The following PRKD3 variants were observed in gnomAD, a reference collection of about 807,000 sequenced individuals.
PRKD3 encodes the protein protein kinase D3.
PRKD3 carries 47 observed loss-of-function variants against 99.2 expected under a neutral mutation model. That is an observed-to-expected ratio of 0.47 (90% CI 0.38 to 0.60). PRKD3 has a LOEUF of 0.60. Among genes scored for constraint, PRKD3 ranks in the 20% least tolerant of loss-of-function variants. The probability of loss-of-function intolerance (pLI) is 0.00; values close to 1 mark genes in which losing one functional copy is unlikely to be tolerated. For missense variants in PRKD3, 1,019 were observed against 1,088.4 expected (o/e 0.94, Z 0.90); for synonymous variants, 392 against 355.4 (o/e 1.10, Z -1.16).
Position 37,282,532 on chromosome 2 carries a change from A to G in PRKD3, c.988+10T>C. Reference sequence around the variant, plus strand: ...TGATCTTTCACAAAAATTAAGAAAAATAATTTTACCTCCATTGAAAGTAAC... The same window carrying G: ...TGATCTTTCACAAAAATTAAGAAAAGTAATTTTACCTCCATTGAAAGTAAC... On this transcript the variant is annotated intron_variant, in intron 7 of 18. Transcript: ENST00000234179. The G allele has an allele frequency of 5.2e-6, 8 of 1,535,366 alleles. No homozygotes were observed. The highest frequency in any genetic ancestry group is 1.1e-5 in the South Asian group (1 of 88,760).
chr2:37,314,040 G>T (rs1241648509), intron 2 of PRKD3, among the ~76,000 whole-genome samples: 3 of 152,090 alleles, frequency 2.0e-5, no homozygotes, highest in African/African-American at 7.2e-5. Context: ...TCAAAGAAAA[G>T]AACTGATAAA....
chr2:37,285,161 A>C (rs1670033477), intron 6 of PRKD3, among the ~76,000 whole-genome samples: 2 of 152,216 alleles, frequency 1.3e-5, no homozygotes, highest in Admixed American at 6.5e-5. Context: ...TAGACTACTT[A>C]TATCCTATCC....
chr2:37,293,937 T>C (rs531645014), intron 2 of PRKD3, among the ~76,000 whole-genome samples: 6 of 152,216 alleles, frequency 3.9e-5, no homozygotes, highest in Non-Finnish European at 5.9e-5. Context: ...CCTGTTTGCT[T>C]TGCCAAATGG....
intron 10 of PRKD3, among the ~76,000 whole-genome samples, chr2:37,275,471 C>CTT (rs1444807413): frequency 6.6e-6 from 1 of 152,136 alleles, no homozygotes; most frequent in African/African-American, 2.4e-5. Flanking sequence ...GATGATGGGA[C>CTT]TTTCTAAGCA....
At chr2:37,309,285 T>A (rs1312247512) in intron 2 of PRKD3, among the ~76,000 whole-genome samples, 1 of 152,238 alleles carries the variant, frequency 6.6e-6, no homozygotes, top group Admixed American at 6.5e-5. Context: ...TTCCTGTACC[T>A]CTTGTGACAT....
rs1382868047 is a variant in PRKD3 at position 37,250,606 on chromosome 2, A to G, written c.*2571T>C. 3 of 152,178 alleles carry G rather than the reference A, an allele frequency of 2.0e-5. No individual in the cohort carries two copies. Among genetic ancestry groups the G allele is most frequent in the African/African-American group, 7.2e-5 (3 of 41,450 alleles). 9.4% of individuals were successfully genotyped at this position (152,178 alleles called of 1,614,324 possible). The stretch of plus-strand genomic sequence containing the variant: ...AGTTCCATTTACAAATACTGTTTCC[A>G]AAATAGTTCTTTTACCAAGGTCTGG... On this transcript the variant is annotated 3_prime_UTR_variant, in exon 19 of 19. Transcript: ENST00000234179.
At chr2:37,312,958 T>C (rs893678842) in intron 2 of PRKD3, among the ~76,000 whole-genome samples, 12 of 152,260 alleles carry the variant, frequency 7.9e-5, no homozygotes, top group African/African-American at 2.9e-4. Flanking sequence ...TGAATAACAA[T>C]AATTGACTGC....
In PRKD3 at chr2:37,253,128, A is replaced by G. The variant is rs370419695; in HGVS notation, c.*49T>C. The G allele has an allele frequency of 7.3e-6, 11 of 1,514,454 alleles. No individual in the cohort carries two copies. In the East Asian group the frequency reaches 1.4e-4, roughly 19 times the overall value. The allele number at this position is 1,514,454 out of a possible 1,614,324, so 93.8% of individuals were successfully genotyped here. A position where few individuals can be genotyped will look rare whatever the true frequency, so the allele number is the denominator to read the frequency against. ...TACAAAGAACAAGTTACACAGCAAA[A>G]TATCAGTCCATAAAATGAAATCCTT... On this transcript the variant is annotated 3_prime_UTR_variant, in exon 19 of 19. Transcript: ENST00000234179.
intron 14 of PRKD3, among the ~76,000 whole-genome samples, chr2:37,264,123 C>T (rs1290575238): frequency 6.6e-6 from 1 of 152,108 alleles, no homozygotes; most frequent in Non-Finnish European, 1.5e-5. Flanking sequence ...AATTTTTTTC[C>T]TGCTCTACAA....
At position 37,252,847 on chromosome 2, in the gene PRKD3, T is replaced by TATATATATATATATATA. The variant is rs1667612720; in HGVS notation, c.*329_*330insTATATATATATATATAT. On this transcript the variant is annotated 3_prime_UTR_variant, in exon 19 of 19. Transcript: ENST00000234179. ...AAAACAAACAAACATATATTTATAT[T>TATATATATATATATATA]TATATATATATATATAAAGAGAAAT... 3.4e-5 allele frequency: 5 copies of TATATATATATATATATA among 145,034 alleles called. No individual in the cohort carries two copies. The South Asian group carries it at 6.6e-4, about 19-fold the overall frequency. The allele number at this position is 145,034 out of a possible 1,614,324, so 9.0% of individuals were successfully genotyped here.
intron 2 of PRKD3, among the ~76,000 whole-genome samples, chr2:37,303,143 G>A (rs1267129919): frequency 6.6e-6 from 1 of 152,032 alleles, no homozygotes; most frequent in African/African-American, 2.4e-5. Context: ...GACTTCAGAG[G>A]ATGGCCTGAC....
intron 2 of PRKD3, among the ~76,000 whole-genome samples, chr2:37,308,195 T>C (rs1055576462): frequency 1.3e-5 from 2 of 152,238 alleles, no homozygotes. Flanking sequence ...AAAGAAGACA[T>C]TAACCTATAT....
chr2:37,289,448 T>C lies in PRKD3; in HGVS notation c.625A>G (p.Lys209Glu). Residue 209 changes from lysine to glutamate, a missense_variant, in exon 5 of 19, where the codon AAG becomes GAG. Physicochemically the swap from Lys to Glu is moderately conservative, Grantham distance 56. Transcript: ENST00000234179. ...AAAGATACATTTGACAGACGTCTCT[T>C]TCTTACTCCACTACAGTTATTTGGA... is the stretch of plus-strand genomic sequence containing the variant. ...KIPNNCSGVRKRRLSNVSLPG... is the reference protein window; with the variant it reads ...KIPNNCSGVRERRLSNVSLPG... 1 of 1,613,950 alleles carries C rather than the reference T, an allele frequency of 6.2e-7. No homozygotes were observed. The highest frequency in any genetic ancestry group is 8.5e-7 in the Non-Finnish European group (1 of 1,179,866).
intron 11 of PRKD3, 35 bp downstream of exon 11, chr2:37,274,386 G>A: frequency 6.2e-7 from 1 of 1,607,838 alleles, no homozygotes; most frequent in Non-Finnish European, 8.5e-7. Flanking sequence ...AAGAATTAAA[G>A]AGGAGAAAAA....
intron 16 of PRKD3, among the ~76,000 whole-genome samples, chr2:37,257,785 G>T (rs1003113276): frequency 6.6e-6 from 1 of 151,888 alleles, no homozygotes; most frequent in Non-Finnish European, 1.5e-5. Context: ...ATAAAACTGA[G>T]GTGTATTAAA....
At chr2:37,270,494 CT>C (rs775949770) in intron 12 of PRKD3, among the ~76,000 whole-genome samples, 5 of 151,242 alleles carry the variant, frequency 3.3e-5, no homozygotes, top group African/African-American at 9.7e-5. Context: ...GCCCCCTTCC[CT>C]TTTTTTTTCT....
chr2:37,314,536 A>C (rs1336229252), intron 2 of PRKD3, among the ~76,000 whole-genome samples: 1 of 152,160 alleles, frequency 6.6e-6, no homozygotes, highest in African/African-American at 2.4e-5. Context: ...GTAGAAGTAA[A>C]TCAATTAGCT....
At chr2:37,306,301 T>C (rs1451903224) in intron 2 of PRKD3, among the ~76,000 whole-genome samples, 2 of 152,228 alleles carry the variant, frequency 1.3e-5, no homozygotes, top group South Asian at 2.1e-4. Flanking sequence ...TTTGTCTGCC[T>C]TCTGCATTCT....
intron 2 of PRKD3, among the ~76,000 whole-genome samples, chr2:37,300,904 T>C (rs1362945046): frequency 1.3e-5 from 2 of 152,246 alleles, no homozygotes; most frequent in African/African-American, 2.4e-5. Flanking sequence ...AACCAATTTA[T>C]ACTTCTGCAA....
Sources: allele counts gnomAD v4.1 joint callset (sites outside exome capture counted in the v4.1 genomes callset), GRCh38; gene constraint gnomAD v4.1.1; transcripts MANE v1.5; gene names NCBI Gene and HGNC (gene_info 2026-07-23, HGNC 2026-07-21).